The following SCARA3 variants were observed in gnomAD, a reference collection of about 807,000 sequenced individuals.
SCARA3 encodes scavenger receptor class A member 3, also known as cellular stress response gene protein.
Under a neutral mutation model 47.0 loss-of-function variants are expected in SCARA3, and 39 were observed. That is an observed-to-expected ratio of 0.83 (90% CI 0.64 to 1.08). The LOEUF (loss-of-function observed/expected upper bound fraction) is 1.08, where lower values mean the gene tolerates loss of function less well. SCARA3 is among the 50% of genes least tolerant of loss of function. SCARA3 has a pLI of 0.00. For synonymous variants in SCARA3, 356 were observed against 334.1 expected, an observed-to-expected ratio of 1.07 and a Z score of -0.71; for missense variants, 724 against 792.3, an observed-to-expected ratio of 0.91 and a Z score of 1.04.
intron 1 of SCARA3, among the ~76,000 whole-genome samples, chr8:27,648,145 A>G (rs984487822): frequency 1.3e-5 from 2 of 152,214 alleles, no homozygotes; most frequent in African/African-American, 4.8e-5. Flanking sequence ...AAGATTTCTG[A>G]GTTCACATCT....
In SCARA3 at chr8:27,671,642, GCA is replaced by G. The variant is rs1022823430; in HGVS notation, c.*300_*301del. On this transcript the variant is annotated 3_prime_UTR_variant, in exon 6 of 6. Coordinates refer to ENST00000301904, the MANE Select transcript of SCARA3 (RefSeq NM_016240.3). ...CACACATACACAGGCATACATGCAT[GCA>G]CACACACATGCACGCACACACACAT... The G allele has an allele frequency of 4.9e-4, 553 of 1,127,150 alleles. 1 individual carries two copies. The East Asian group carries it at 9.1e-3, about 18-fold the overall frequency. The allele number at this position is 1,127,150 out of a possible 1,614,324, so 69.8% of individuals were successfully genotyped here.
At chr8:27,691,573 C>T in the SCARA3 span, among the ~76,000 whole-genome samples, 61 of 152,216 alleles carry the variant, frequency 4.0e-4, 1 homozygote, top group East Asian at 8.1e-3. Flanking sequence ...TGGGAAGTCC[C>T]TCCGTCTGCT....
intron 5 of SCARA3, 69 bp downstream of exon 5, chr8:27,659,608 G>A (rs2128921049): frequency 1.4e-6 from 2 of 1,388,464 alleles, no homozygotes; most frequent in East Asian, 2.5e-5. Context: ...GCTGGACACA[G>A]AAGTACCTGG....
chr8:27,664,634 G>A (rs1229580858), intron 5 of SCARA3, among the ~76,000 whole-genome samples: 3 of 152,144 alleles, frequency 2.0e-5, no homozygotes, highest in Non-Finnish European at 2.9e-5. Context: ...GGGAGATGGC[G>A]CCAAAAGTGT....
the SCARA3 span, among the ~76,000 whole-genome samples, chr8:27,710,027 A>G: frequency 6.6e-6 from 1 of 152,104 alleles, no homozygotes; most frequent in Admixed American, 6.5e-5. Context: ...TCAGGAGATC[A>G]AGACCATCCT....
the SCARA3 span, among the ~76,000 whole-genome samples, chr8:27,714,193 C>CTTT: frequency 6.2e-4 from 71 of 114,118 alleles, 1 homozygote; most frequent in African/African-American, 2.0e-3. Flanking sequence ...TCAGGTATTC[C>CTTT]TTTTTTTTTT....
At chr8:27,681,291 G>C (rs532957201), downstream of SCARA3, among the ~76,000 whole-genome samples, 3 of 151,840 alleles carry the variant, frequency 2.0e-5, no homozygotes, top group Non-Finnish European at 4.4e-5. Flanking sequence ...AGCCTACAAG[G>C]TCAATATACA....
At position 27,671,060 on chromosome 8, in the gene SCARA3, G is replaced by A. The variant is rs774566472; in HGVS notation, c.1530G>A (p.Arg510=). 3.1e-6 allele frequency: 5 copies of A among 1,612,394 alleles called. No homozygotes were observed. Among genetic ancestry groups the A allele is most frequent in the Non-Finnish European group, 4.2e-6 (5 of 1,179,588 alleles). ...QPGEAGPVGE[R]GPVGPRGFPG... Reference sequence around the variant, plus strand: ...GAGAGGCCGGGCCTGTGGGAGAAAGGGGCCCTGTTGGCCCTCGAGGGTTCC... The same window carrying A: ...GAGAGGCCGGGCCTGTGGGAGAAAGAGGCCCTGTTGGCCCTCGAGGGTTCC... Residue 510 remains arginine, a synonymous_variant, in exon 6 of 6, where the codon AGG becomes AGA. Coordinates refer to ENST00000301904, the MANE Select transcript of SCARA3 (RefSeq NM_016240.3).
At chr8:27,638,371 G>T (rs1433814005) in intron 1 of SCARA3, among the ~76,000 whole-genome samples, 1 of 150,638 alleles carries the variant, frequency 6.6e-6, no homozygotes, top group East Asian at 2.0e-4. Context: ...CCAAGGTCAG[G>T]CCCAGCCCTG....
At position 27,634,035 on chromosome 8, in the gene SCARA3, C is replaced by T. The variant is rs1416626473; in HGVS notation, c.-166C>T. The T allele has an allele frequency of 4.5e-6, 2 of 449,206 alleles. No individual in the cohort carries two copies. The highest frequency in any genetic ancestry group is 4.7e-5 in the Admixed American group (1 of 21,504). 27.8% of individuals were successfully genotyped at this position (449,206 alleles called of 1,614,324 possible). On this transcript the variant is annotated 5_prime_UTR_variant, in exon 1 of 6. Transcript: ENST00000301904. The stretch of plus-strand genomic sequence containing the variant: ...GCGGGACCCTCCACTCCTCCCGCCG[C>T]CTCCGCAGCCCGCGCGCCGGAGCAT...
At chr8:27,665,359 T>A (rs550188559) in intron 5 of SCARA3, among the ~76,000 whole-genome samples, 5 of 152,358 alleles carry the variant, frequency 3.3e-5, no homozygotes, top group African/African-American at 1.2e-4. Context: ...ACTTTCATAG[T>A]GTTTGTGTCT....
chr8:27,704,735 T>C, the SCARA3 span, among the ~76,000 whole-genome samples: 3 of 150,972 alleles, frequency 2.0e-5, no homozygotes, highest in South Asian at 6.4e-4. Flanking sequence ...TTCATATGAC[T>C]AGTTTCTAGG....
At position 27,651,745 on chromosome 8, in the gene SCARA3, G is replaced by A. The variant is rs35990796; in HGVS notation, c.226+118G>A. On this transcript the variant is annotated intron_variant, in intron 3 of 5. Transcript: ENST00000301904. The stretch of plus-strand genomic sequence containing the variant: ...ATCTGTATCCCAGGGCCCAGAGCCA[G>A]CATCTTCCTGGCTAGGGGATCTCTA... The A allele has an allele frequency of 1.4e-3, 1,882 of 1,351,918 alleles. 29 individuals are homozygous for A. In the African/African-American group the frequency reaches 0.023, roughly 17 times the overall value. The allele number at this position is 1,351,918 out of a possible 1,614,324, so 83.7% of individuals were successfully genotyped here.
chr8:27,731,828 T>G, the SCARA3 span, among the ~76,000 whole-genome samples: 1 of 152,134 alleles, frequency 6.6e-6, no homozygotes, highest in Non-Finnish European at 1.5e-5. Flanking sequence ...GGACATTACA[T>G]GAAGACCAGG....
At chr8:27,662,522 G>A (rs115415199) in intron 5 of SCARA3, among the ~76,000 whole-genome samples, 35 of 152,364 alleles carry the variant, frequency 2.3e-4, no homozygotes, top group African/African-American at 8.4e-4. Flanking sequence ...AAGGCATTCT[G>A]TGAGTCTACG....
chr8:27,648,958 A>G (rs1395553053), intron 1 of SCARA3, among the ~76,000 whole-genome samples: 1 of 151,998 alleles, frequency 6.6e-6, no homozygotes. Context: ...GGAGGAAAGT[A>G]GGGAAGGAAG....
At chr8:27,668,865 T>C (rs1165265038) in intron 5 of SCARA3, among the ~76,000 whole-genome samples, 1 of 152,160 alleles carries the variant, frequency 6.6e-6, no homozygotes, top group Non-Finnish European at 1.5e-5. Context: ...CACAGCTGGC[T>C]GCTGTGTTCT....
chr8:27,704,119 G>A, the SCARA3 span, among the ~76,000 whole-genome samples: 1 of 151,812 alleles, frequency 6.6e-6, no homozygotes, highest in Admixed American at 6.6e-5. Context: ...GGAAAGGAGT[G>A]AAAGAGGGAA....
In SCARA3 at chr8:27,658,825, G is replaced by A. The variant is rs778094228; in HGVS notation, c.655G>A (p.Ala219Thr). Residue 219 changes from alanine (A) to threonine (T), a missense_variant, in exon 5 of 6, where the codon GCA (alanine) becomes ACA (threonine). Ala to Thr is a moderately conservative substitution (Grantham distance 58). Transcript: ENST00000301904. ...CCAGGAGTGCTACGATGTCAAGGCT[G>A]CAGTGCACCAGATCAACTTCACCGT... ...LTQECYDVKAAVHQINFTVGQ... is the reference protein window; with the variant it reads ...LTQECYDVKATVHQINFTVGQ... The A allele has an allele frequency of 1.9e-6, 3 of 1,614,046 alleles. No individual in the cohort carries two copies. The highest frequency in any genetic ancestry group is 3.3e-5 in the Admixed American group (2 of 60,000).
Sources: allele counts gnomAD v4.1 joint callset (sites outside exome capture counted in the v4.1 genomes callset), GRCh38; gene constraint gnomAD v4.1.1; transcripts MANE v1.5; gene names NCBI Gene and HGNC (gene_info 2026-07-23, HGNC 2026-07-21).